The following CHST12 variants were observed in gnomAD, a reference collection of about 807,000 sequenced individuals.
CHST12 encodes carbohydrate sulfotransferase 12.
In CHST12, 23 loss-of-function variants were observed where a neutral mutation model predicts 27.9. The observed-to-expected ratio is 0.82, with a 90% confidence interval of 0.59 to 1.17. The LOEUF is 1.17. CHST12 is among the 50% of genes most tolerant of loss of function. The pLI, the probability that CHST12 is intolerant of heterozygous loss-of-function variation, is 0.00. For missense variants in CHST12, 682 were observed against 603.0 expected (o/e 1.13, Z -1.37); for synonymous variants, 322 against 273.0 (o/e 1.18, Z -1.77).
At position 2,429,555 on chromosome 7, in the gene CHST12, G is replaced by T. The variant is rs373751105; in HGVS notation, c.-77-3008G>T. On this transcript the variant is annotated intron_variant, in intron 1 of 1. Transcript: ENST00000618655. The stretch of plus-strand genomic sequence containing the variant: ...AGATTTCTTTTTAAGGAGCTTTTAC[G>T]TTACAAATTTAGTTTCTTTAATTAG... 4.1e-4 allele frequency among the ~76,000 whole-genome samples: 62 copies of T among 152,164 alleles called. 1 individual carries two copies. In the East Asian group the frequency reaches 0.011, roughly 28 times the overall value.
At chr7:2,418,392 C>T (rs1420098242) in intron 1 of CHST12, among the ~76,000 whole-genome samples, 2 of 152,224 alleles carry the variant, frequency 1.3e-5, no homozygotes, top group African/African-American at 4.8e-5. Flanking sequence ...GATGATGCTT[C>T]TAGGTGAAAC....
chr7:2,428,736 C>T (rs1417533684), intron 1 of CHST12, among the ~76,000 whole-genome samples: 1 of 152,174 alleles, frequency 6.6e-6, no homozygotes, highest in Non-Finnish European at 1.5e-5. Flanking sequence ...TAATTTCTAA[C>T]AGCCTTAAAA....
intron 1 of CHST12, among the ~76,000 whole-genome samples, chr7:2,414,673 C>G (rs1781758905): frequency 6.6e-6 from 1 of 152,120 alleles, no homozygotes; most frequent in African/African-American, 2.4e-5. Context: ...CATATTTGTG[C>G]TTTTGGTATC....
At position 2,447,992 on chromosome 7, in the gene CHST12, C is replaced by G. The variant is rs577745468; in HGVS notation, c.*14108C>G. On this transcript the variant is annotated 3_prime_UTR_variant, in exon 2 of 2. Coordinates refer to ENST00000618655, the MANE Select transcript of CHST12 (RefSeq NM_018641.5). ...CTCCTGGGTTCAAGCGCTTCTTCCC[C>G]AAGTAGCTGGGACTATAGGCACACA... 5 of 152,194 alleles carry G rather than the reference C, an allele frequency of 3.3e-5. No homozygotes were observed. Among genetic ancestry groups the G allele is most frequent in the African/African-American group, 1.2e-4 (5 of 41,532 alleles). 9.4% of individuals were successfully genotyped at this position (152,194 alleles called of 1,614,324 possible). A position where few individuals can be genotyped will look rare whatever the true frequency, so the allele number is the denominator to read the frequency against.
In CHST12 at chr7:2,445,870, G is replaced by A. The variant is rs532805504; in HGVS notation, c.*11986G>A. 44 of 152,346 alleles carry A rather than the reference G, an allele frequency of 2.9e-4. No individual in the cohort carries two copies. The highest frequency in any genetic ancestry group is 1.0e-3 in the African/African-American group (43 of 41,578). The allele number at this position is 152,346 out of a possible 1,614,324, so 9.4% of individuals were successfully genotyped here. ...CGCGTGTGAGAAAAGGCCTGTTGAT[G>A]GGCACGCCAGGGTTTAATGGACGGC... On this transcript the variant is annotated 3_prime_UTR_variant, in exon 2 of 2. Coordinates refer to ENST00000618655, the MANE Select transcript of CHST12 (RefSeq NM_018641.5).
At position 2,446,272 on chromosome 7, in the gene CHST12, C is replaced by A. The variant is rs1276563290; in HGVS notation, c.*12388C>A. On this transcript the variant is annotated 3_prime_UTR_variant, in exon 2 of 2. Transcript: ENST00000618655. ...AAAGCGGAGAGTTGGGAAAAAAGGA[C>A]AAATAGCTGAGCGCCAGCCGCAGTC... 2 of 152,764 alleles carry A rather than the reference C, an allele frequency of 1.3e-5. No individual in the cohort carries two copies. Among genetic ancestry groups the A allele is most frequent in the African/African-American group, 4.8e-5 (2 of 41,462 alleles). 9.5% of individuals were successfully genotyped at this position (152,764 alleles called of 1,614,324 possible). A position where few individuals can be genotyped will look rare whatever the true frequency, so the allele number is the denominator to read the frequency against.
intron 1 of CHST12, among the ~76,000 whole-genome samples, chr7:2,411,213 G>T (rs1781655403): frequency 6.6e-6 from 1 of 152,030 alleles, no homozygotes; most frequent in Admixed American, 6.6e-5. Flanking sequence ...CTCCTGAGTA[G>T]CTGGGACTAC....
chr7:2,404,554 G>C (rs1344270905), intron 1 of CHST12, among the ~76,000 whole-genome samples: 1 of 152,260 alleles, frequency 6.6e-6, no homozygotes, highest in Non-Finnish European at 1.5e-5. Flanking sequence ...TCCCGGCTGT[G>C]GGTGGTTGGG....
At chr7:2,424,824 A>G (rs1782066895) in intron 1 of CHST12, among the ~76,000 whole-genome samples, 1 of 152,056 alleles carries the variant, frequency 6.6e-6, no homozygotes, top group Non-Finnish European at 1.5e-5. Flanking sequence ...CCCCTTCCAC[A>G]AGATGCTGTG....
Position 2,437,766 on chromosome 7 carries a change from A to G in CHST12, c.*3882A>G, listed in dbSNP as rs539826814. 2 of 152,260 alleles carry G rather than the reference A, an allele frequency of 1.3e-5. No individual in the cohort carries two copies. Among genetic ancestry groups the G allele is most frequent in the African/African-American group, 4.8e-5 (2 of 41,410 alleles). The allele number at this position is 152,260 out of a possible 1,614,324, so 9.4% of individuals were successfully genotyped here. ...CACACACACACACACTCTCTCTCAC[A>G]CACACATCGGGATATTTTTCTTGTT... On this transcript the variant is annotated 3_prime_UTR_variant, in exon 2 of 2. Transcript: ENST00000618655.
intron 1 of CHST12, among the ~76,000 whole-genome samples, chr7:2,411,290 C>T (rs1781658091): frequency 1.3e-5 from 2 of 151,930 alleles, no homozygotes; most frequent in Non-Finnish European, 2.9e-5. Flanking sequence ...GTATGTTGCG[C>T]AAGCTGATCT....
chr7:2,423,948 T>G (rs927697186), intron 1 of CHST12, among the ~76,000 whole-genome samples: 2 of 151,848 alleles, frequency 1.3e-5, no homozygotes, highest in Non-Finnish European at 2.9e-5. Flanking sequence ...ACGCCTATGG[T>G]CCCAGCTACT....
In CHST12 at chr7:2,433,114, G is replaced by A. The variant is rs1434543866; in HGVS notation, c.475G>A (p.Val159Met). Reference sequence around the variant, plus strand: ...CAACTCGGAGCTGAGCCACCTGATCGTGGACGACCGGCACGGGGCCATCTA... The same window carrying A: ...CAACTCGGAGCTGAGCCACCTGATCATGGACGACCGGCACGGGGCCATCTA... ...IPNSELSHLI[V>M]DDRHGAIYCY... Residue 159 changes from valine (V) to methionine (M), a missense_variant, in exon 2 of 2, where the codon GTG becomes ATG. Coordinates refer to ENST00000618655, the MANE Select transcript of CHST12 (RefSeq NM_018641.5). The surrounding 1 kb of genome is among the most constrained non-coding windows in gnomAD (Gnocchi z 6.1). 3.1e-6 allele frequency: 5 copies of A among 1,612,346 alleles called. No homozygotes were observed. The highest frequency in any genetic ancestry group is 4.5e-5 in the East Asian group (2 of 44,826).
intron 1 of CHST12, chr7:2,404,282 C>T (rs1413739318): frequency 6.6e-6 from 1 of 152,346 alleles, no homozygotes; most frequent in Non-Finnish European, 1.5e-5. Context: ...GGAAACCGTG[C>T]ATTTAGTCCG....
chr7:2,414,263 CTTTCTTTTTTTATTTTTCTT>C (rs1290584205), intron 1 of CHST12, among the ~76,000 whole-genome samples: 1 of 151,854 alleles, frequency 6.6e-6, no homozygotes, highest in Non-Finnish European at 1.5e-5. Flanking sequence ...CTGTCTTTTA[CTTTCTTTTTTTATTTTTCTT>C]TTTCTTTTTT....
intron 1 of CHST12, among the ~76,000 whole-genome samples, chr7:2,406,562 AG>A (rs1244697853): frequency 6.6e-6 from 1 of 151,672 alleles, no homozygotes; most frequent in African/African-American, 2.4e-5. Context: ...GCACAGGAGG[AG>A]GAAGCGAACA....
intron 1 of CHST12, among the ~76,000 whole-genome samples, chr7:2,408,060 C>G (rs1781566982): frequency 6.6e-6 from 1 of 152,042 alleles, no homozygotes; most frequent in Non-Finnish European, 1.5e-5. Flanking sequence ...AGCTGTTGAC[C>G]CCAGAATTTG....
chr7:2,421,480 AGGCTAGAGTGCGGTGAC>A (rs1167617665), intron 1 of CHST12, among the ~76,000 whole-genome samples: 1 of 141,346 alleles, frequency 7.1e-6, no homozygotes, highest in East Asian at 2.1e-4. Context: ...TCTGTTGCCC[AGGCTAGAGTGCGGTGAC>A]GCGATCTTGG....
At position 2,434,285 on chromosome 7, in the gene CHST12, C is replaced by A. The variant is rs1055822029; in HGVS notation, c.*401C>A. The A allele has an allele frequency of 2.4e-4, 42 of 177,270 alleles. No individual in the cohort carries two copies. The highest frequency in any genetic ancestry group is 2.7e-5 in the Non-Finnish European group (2 of 74,654). The allele number at this position is 177,270 out of a possible 1,614,324, so 11.0% of individuals were successfully genotyped here. A position where few individuals can be genotyped will look rare whatever the true frequency, so the allele number is the denominator to read the frequency against. On this transcript the variant is annotated 3_prime_UTR_variant, in exon 2 of 2. Coordinates refer to ENST00000618655, the MANE Select transcript of CHST12 (RefSeq NM_018641.5). ...CACCTGTCTGTTTTTGGAAGGGTAG[C>A]CGACAAATCCTTCCAGAGGGAAAGT...
Sources: allele counts gnomAD v4.1 joint callset (sites outside exome capture counted in the v4.1 genomes callset), GRCh38; gene constraint gnomAD v4.1.1; non-coding constraint Gnocchi (gnomAD v3.1); transcripts MANE v1.5; gene names NCBI Gene and HGNC (gene_info 2026-07-23, HGNC 2026-07-21).